LSAMP: variants seen among roughly 807,000 people sequenced by gnomAD.
LSAMP encodes the protein limbic system-associated membrane protein.
Under a neutral mutation model 38.6 loss-of-function variants are expected in LSAMP, and 7 were observed. The ratio of observed to expected loss-of-function variants is 0.18; its 90% confidence interval spans 0.10 to 0.34. The LOEUF (loss-of-function observed/expected upper bound fraction) is 0.34, where lower values mean the gene tolerates loss of function less well. LSAMP is among the 10% of genes least tolerant of loss of function. The pLI is 1.00. For missense variants in LSAMP, 313 were observed against 420.0 expected, an observed-to-expected ratio of 0.75 and a Z score of 2.23; for synonymous variants, 154 against 166.8, an observed-to-expected ratio of 0.92 and a Z score of 0.59.
intron 2 of LSAMP, among the ~76,000 whole-genome samples, chr3:116,025,663 C>T (rs1940773960): frequency 6.6e-6 from 1 of 151,834 alleles, no homozygotes; most frequent in Non-Finnish European, 1.5e-5. Flanking sequence ...AATTTTTTAG[C>T]CAATGTCCAC....
intron 3 of LSAMP, among the ~76,000 whole-genome samples, chr3:115,945,834 A>T (rs1244101931): frequency 6.6e-6 from 1 of 152,206 alleles, no homozygotes; most frequent in Non-Finnish European, 1.5e-5. Flanking sequence ...TGGATCATCA[A>T]GAACAAATTT....
intron 1 of LSAMP, among the ~76,000 whole-genome samples, chr3:116,434,603 G>T (rs998668532): frequency 3.3e-5 from 5 of 152,272 alleles, no homozygotes; most frequent in Admixed American, 2.0e-4. Flanking sequence ...TGCTAGACTG[G>T]AGTGCAGTGG....
chr3:115,928,981 T>G (rs966143966), intron 3 of LSAMP, among the ~76,000 whole-genome samples: 10 of 149,226 alleles, frequency 6.7e-5, no homozygotes, highest in Admixed American at 1.3e-4. Context: ...TTGTTTTTTT[T>G]TTTTTTTTTG....
chr3:115,920,348 C>T (rs1937353959), intron 3 of LSAMP, among the ~76,000 whole-genome samples: 1 of 152,144 alleles, frequency 6.6e-6, no homozygotes. Flanking sequence ...CTATCCAACA[C>T]TTGTTATTTT....
At chr3:116,259,697 A>G (rs966425144) in intron 1 of LSAMP, among the ~76,000 whole-genome samples, 2 of 152,132 alleles carry the variant, frequency 1.3e-5, no homozygotes, top group African/African-American at 4.8e-5. Context: ...ATCATTTCGT[A>G]AAGTTGCTTG....
intron 3 of LSAMP, among the ~76,000 whole-genome samples, chr3:115,951,788 T>TG (rs1938297961): frequency 1.3e-5 from 2 of 152,138 alleles, no homozygotes; most frequent in Admixed American, 6.5e-5. Context: ...AGCTTGCAGA[T>TG]GGCCTACTGT....
chr3:116,347,014 T>C (rs1184731024), intron 1 of LSAMP, among the ~76,000 whole-genome samples: 1 of 152,178 alleles, frequency 6.6e-6, no homozygotes, highest in African/African-American at 2.4e-5. Flanking sequence ...AATATACAAA[T>C]GATACTCGGT....
chr3:116,421,779 A>G (rs2049130875), intron 1 of LSAMP, among the ~76,000 whole-genome samples: 1 of 152,194 alleles, frequency 6.6e-6, no homozygotes, highest in African/African-American at 2.4e-5. Flanking sequence ...AGAGACAACC[A>G]TAAGTGTCGA....
chr3:116,413,646 G>A (rs1298672930), intron 1 of LSAMP, among the ~76,000 whole-genome samples: 3 of 151,966 alleles, frequency 2.0e-5, no homozygotes, highest in African/African-American at 7.2e-5. Context: ...TCATCCACTG[G>A]TTCCTATGCA....
intron 2 of LSAMP, among the ~76,000 whole-genome samples, chr3:116,063,768 ATTAAG>A (rs527697140): frequency 6.6e-6 from 1 of 152,306 alleles, no homozygotes; most frequent in South Asian, 2.1e-4. Context: ...AAAAATAAAG[ATTAAG>A]TTTAGTATAG....
At chr3:116,158,497 GT>G (rs1709808566) in intron 1 of LSAMP, among the ~76,000 whole-genome samples, 1 of 152,144 alleles carries the variant, frequency 6.6e-6, no homozygotes, top group African/African-American at 2.4e-5. Flanking sequence ...TTTCAGCTAA[GT>G]TTCAGGATAC....
At chr3:116,300,016 G>A (rs543421767) in intron 1 of LSAMP, among the ~76,000 whole-genome samples, 6 of 152,244 alleles carry the variant, frequency 3.9e-5, no homozygotes, top group East Asian at 3.9e-4. Flanking sequence ...TAACCGTGTC[G>A]CCTGAGTCCC....
At chr3:116,309,360 T>C (rs2047526300) in intron 1 of LSAMP, among the ~76,000 whole-genome samples, 1 of 152,134 alleles carries the variant, frequency 6.6e-6, no homozygotes, top group Non-Finnish European at 1.5e-5. Flanking sequence ...AATAAAAATG[T>C]GTGATAGTCT....
intron 1 of LSAMP, among the ~76,000 whole-genome samples, chr3:116,385,920 TTAC>T (rs71616351): frequency 0.066 from 9,944 of 150,934 alleles, 406 homozygotes; most frequent in Middle Eastern, 0.13. Flanking sequence ...ATTATTGACA[TTAC>T]TACTACTACT....
intron 1 of LSAMP, among the ~76,000 whole-genome samples, chr3:116,303,852 T>C (rs556620763): frequency 1.3e-5 from 2 of 152,292 alleles, no homozygotes; most frequent in South Asian, 2.1e-4. Flanking sequence ...CCTTATATCA[T>C]TGTGAAAAGC....
At chr3:116,119,056 C>G (rs1171589314) in intron 1 of LSAMP, among the ~76,000 whole-genome samples, 1 of 152,046 alleles carries the variant, frequency 6.6e-6, no homozygotes, top group Admixed American at 6.6e-5. Flanking sequence ...ATTTATAGCA[C>G]TATATATTCT....
chr3:116,377,553 G>A (rs1023381729), intron 1 of LSAMP, among the ~76,000 whole-genome samples: 1 of 151,990 alleles, frequency 6.6e-6, no homozygotes, highest in Admixed American at 6.6e-5. Flanking sequence ...ACATGCATGT[G>A]TCTCTGTAAT....
intron 1 of LSAMP, among the ~76,000 whole-genome samples, chr3:116,387,335 GGA>G (rs1402777459): frequency 6.6e-6 from 1 of 151,976 alleles, no homozygotes; most frequent in Non-Finnish European, 1.5e-5. Context: ...TTATAAATAA[GGA>G]ATCACTACAA....
At chr3:116,089,092 A>G (rs1203736906) in intron 1 of LSAMP, among the ~76,000 whole-genome samples, 2 of 152,214 alleles carry the variant, frequency 1.3e-5, no homozygotes, top group Non-Finnish European at 2.9e-5. Flanking sequence ...TTCATGGAAA[A>G]GTTAAAGTCA....
Sources: gnomAD v4.1 joint callset for allele counts (sites outside exome capture counted in the v4.1 genomes callset) on GRCh38, gnomAD v4.1.1 for gene constraint, MANE v1.5 for transcripts, NCBI Gene and HGNC (gene_info 2026-07-23, HGNC 2026-07-21) for gene names.